The following GNG7 variants were observed in gnomAD, a reference collection of about 807,000 sequenced individuals.
The protein encoded by GNG7 is guanine nucleotide-binding protein G(I)/G(S)/G(O) subunit gamma-7.
A neutral mutation model predicts 4.0 loss-of-function variants in GNG7; 1 was observed. The ratio of observed to expected loss-of-function variants is 0.25; its 90% CI spans 0.09 to 1.18. The LOEUF (loss-of-function observed/expected upper bound fraction) is 1.18, where lower values mean the gene tolerates loss of function less well. Ranked by LOEUF, GNG7 falls within the 50% of genes most tolerant of loss-of-function variation. The pLI is 0.50. For synonymous variants in GNG7, 34 were observed against 36.9 expected (o/e 0.92, Z 0.29); for missense variants, 86 against 91.9 (o/e 0.94, Z 0.26).
Position 2,525,872 on chromosome 19 carries a change from C to A in GNG7, c.-37-5147G>T, listed in dbSNP as rs184756165. On this transcript the variant is annotated intron_variant, in intron 3 of 4. Coordinates refer to ENST00000382159, the MANE Select transcript of GNG7 (RefSeq NM_052847.3). ...TCGCCCAGGCTGAAGTGCGGTGGCGCGATCTCAGCTCACTGCAACCTCCGC... is the reference window on the plus strand; with the variant it reads ...TCGCCCAGGCTGAAGTGCGGTGGCGAGATCTCAGCTCACTGCAACCTCCGC... Among the ~76,000 whole-genome samples, 20 of 151,830 alleles carry A rather than the reference C, an allele frequency of 1.3e-4. No homozygotes were observed. The East Asian group carries it at 2.7e-3, about 21-fold the overall frequency.
chr19:2,601,969 C>G (rs771291956), intron 2 of GNG7, among the ~76,000 whole-genome samples: 19 of 151,898 alleles, frequency 1.3e-4, no homozygotes, highest in Non-Finnish European at 2.6e-4. Context: ...GCAGTGGAAT[C>G]CCAGATGATC....
intron 3 of GNG7, among the ~76,000 whole-genome samples, chr19:2,541,079 G>A (rs1425035195): frequency 6.6e-6 from 1 of 152,256 alleles, no homozygotes; most frequent in Non-Finnish European, 1.5e-5. Flanking sequence ...TTTACCGAGC[G>A]GCTCCTGGGC....
chr19:2,619,399 C>G (rs530742966), intron 2 of GNG7, among the ~76,000 whole-genome samples: 3 of 152,346 alleles, frequency 2.0e-5, no homozygotes, highest in African/African-American at 7.2e-5. Flanking sequence ...CATTTGCCAT[C>G]TGGATCTCTG....
At chr19:2,663,098 A>C (rs1423481143) in intron 1 of GNG7, among the ~76,000 whole-genome samples, 12 of 152,202 alleles carry the variant, frequency 7.9e-5, no homozygotes, top group Admixed American at 7.9e-4. Context: ...GTGTTGGGGT[A>C]ATTTGTTACA....
At chr19:2,573,672 G>C (rs1464702197) in intron 2 of GNG7, among the ~76,000 whole-genome samples, 1 of 151,828 alleles carries the variant, frequency 6.6e-6, no homozygotes, top group African/African-American at 2.4e-5. Context: ...GCGAAACCCC[G>C]TCTCGACTAA....
chr19:2,560,360 G>A (rs867063105), intron 2 of GNG7, among the ~76,000 whole-genome samples: 1 of 151,928 alleles, frequency 6.6e-6, no homozygotes, highest in African/African-American at 2.4e-5. Context: ...GTCTCCCACC[G>A]GCCCCCAGGG....
At position 2,511,729 on chromosome 19, in the gene GNG7, G is replaced by T. The variant is rs1972658491; in HGVS notation, c.*3293C>A. On this transcript the variant is annotated 3_prime_UTR_variant, in exon 5 of 5. Coordinates refer to ENST00000382159, the MANE Select transcript of GNG7 (RefSeq NM_052847.3). This position sits in a 1 kb window ranked among gnomAD's most constrained non-coding sequence, Gnocchi z 6.3. ...GGACACGGTGGCCGGCCCGTCAAAG[G>T]GACCACGCAGAAGGAGGGAAACAGG... 4 of 888,746 alleles carry T rather than the reference G, an allele frequency of 4.5e-6. No homozygotes were observed. The highest frequency in any genetic ancestry group is 5.4e-6 in the Non-Finnish European group (4 of 741,652). The allele number at this position is 888,746 out of a possible 1,614,324, so 55.1% of individuals were successfully genotyped here.
chr19:2,533,820 G>A (rs1429526234), intron 3 of GNG7, among the ~76,000 whole-genome samples: 1 of 152,106 alleles, frequency 6.6e-6, no homozygotes, highest in Non-Finnish European at 1.5e-5. Context: ...GTTGTAGAGA[G>A]GAAAGAGCTT....
chr19:2,640,360 A>G (rs908033659), intron 2 of GNG7, among the ~76,000 whole-genome samples: 1 of 152,220 alleles, frequency 6.6e-6, no homozygotes, highest in African/African-American at 2.4e-5. Flanking sequence ...ATCATTTTTA[A>G]AGTGATAAGT....
intron 2 of GNG7, among the ~76,000 whole-genome samples, chr19:2,630,155 GAAGGGATGGACGCCAGAAA>G: frequency 6.6e-6 from 1 of 152,118 alleles, no homozygotes; most frequent in Non-Finnish European, 1.5e-5. Flanking sequence ...CCTGCAAGAG[GAAGGGATGGACGCCAGAAA>G]AAGGGAGTGA....
chr19:2,566,864 A>G (rs900636078), intron 2 of GNG7, among the ~76,000 whole-genome samples: 49 of 152,248 alleles, frequency 3.2e-4, no homozygotes, highest in Non-Finnish European at 1.0e-4. Flanking sequence ...GCACTTTGGG[A>G]GGCCGAGGCA....
At chr19:2,545,394 T>A (rs1181584870) in intron 3 of GNG7, among the ~76,000 whole-genome samples, 2 of 151,966 alleles carry the variant, frequency 1.3e-5, no homozygotes, top group African/African-American at 4.8e-5. Flanking sequence ...ATGCCTGTAT[T>A]TCCAGCACTT....
chr19:2,521,638 G>A (rs1337131770), intron 3 of GNG7, among the ~76,000 whole-genome samples: 19 of 85,366 alleles, frequency 2.2e-4, no homozygotes, highest in African/African-American at 9.7e-4. Context: ...TTTTGAGACA[G>A]AGTCTTGCTC....
At position 2,618,496 on chromosome 19, in the gene GNG7, G is replaced by C. The variant is rs555303824; in HGVS notation, c.-78+27728C>G. On this transcript the variant is annotated intron_variant, in intron 2 of 4. Transcript: ENST00000382159. The surrounding 1 kb of genome is among the most constrained non-coding windows in gnomAD (Gnocchi z 5.1). ...CCCAAGTAGCTGGGATTACAGGCACGTGCCACCACACCCACCTAATTTTTG... is the reference window on the plus strand; with the variant it reads ...CCCAAGTAGCTGGGATTACAGGCACCTGCCACCACACCCACCTAATTTTTG... 3.2e-3 allele frequency among the ~76,000 whole-genome samples: 480 copies of C among 151,876 alleles called. 1 individual carries two copies. The highest frequency in any genetic ancestry group is 3.7e-3 in the Non-Finnish European group (253 of 67,948).
intron 2 of GNG7, among the ~76,000 whole-genome samples, chr19:2,567,076 C>G (rs1406173898): frequency 1.3e-5 from 2 of 148,966 alleles, no homozygotes; most frequent in Non-Finnish European, 3.0e-5. Flanking sequence ...CTGCAGTCCA[C>G]AGTCCGGCCT....
At chr19:2,675,665 G>C (rs888688325) in intron 1 of GNG7, among the ~76,000 whole-genome samples, 5 of 152,106 alleles carry the variant, frequency 3.3e-5, no homozygotes, top group African/African-American at 1.2e-4. Context: ...AAACAGAAAA[G>C]ATATTCCCGA....
chr19:2,526,984 T>C (rs1178926616), intron 3 of GNG7, among the ~76,000 whole-genome samples: 2 of 152,040 alleles, frequency 1.3e-5, no homozygotes, highest in Non-Finnish European at 2.9e-5. Context: ...TAGCTGGGAC[T>C]ACAGGCGCGC....
At chr19:2,699,921 T>C (rs1166933687) in intron 1 of GNG7, among the ~76,000 whole-genome samples, 1 of 152,166 alleles carries the variant, frequency 6.6e-6, no homozygotes, top group Non-Finnish European at 1.5e-5. Context: ...CTAATCAGAA[T>C]GACCCAGGCA....
chr19:2,567,612 C>T lies in GNG7; in HGVS notation c.-77-12424G>A, dbSNP rs963485674. On this transcript the variant is annotated intron_variant, in intron 2 of 4. Coordinates refer to ENST00000382159, the MANE Select transcript of GNG7 (RefSeq NM_052847.3). Reference sequence around the variant, plus strand: ...AAGTGCTGGGATTGCAAGCGTGAGCCGCTGCACTGGGCCGGTGTCCTCTGT... The same window carrying T: ...AAGTGCTGGGATTGCAAGCGTGAGCTGCTGCACTGGGCCGGTGTCCTCTGT... 4.6e-5 allele frequency among the ~76,000 whole-genome samples: 7 copies of T among 152,256 alleles called. No homozygotes were observed. In the South Asian group the frequency reaches 1.2e-3, roughly 27 times the overall value.
Sources: allele counts gnomAD v4.1 joint callset (sites outside exome capture counted in the v4.1 genomes callset), GRCh38; gene constraint gnomAD v4.1.1; non-coding constraint Gnocchi (gnomAD v3.1); transcripts MANE v1.5; gene names NCBI Gene and HGNC (gene_info 2026-07-23, HGNC 2026-07-21).